TTLL9: variants seen among roughly 807,000 people sequenced by gnomAD.
The protein encoded by TTLL9 is probable tubulin polyglutamylase TTLL9.
TTLL9 carries 47 observed loss-of-function variants against 65.6 expected under a neutral mutation model. That is an observed-to-expected ratio of 0.72 (90% CI 0.57 to 0.91). The LOEUF (loss-of-function observed/expected upper bound fraction) is 0.91, where lower values mean the gene tolerates loss of function less well. Ranked by LOEUF, TTLL9 falls within the 40% of genes least tolerant of loss-of-function variation. The pLI, the probability that TTLL9 is intolerant of heterozygous loss-of-function variation, is 0.00. For synonymous variants in TTLL9, 179 were observed against 204.8 expected, an observed-to-expected ratio of 0.87 and a Z score of 1.07; for missense variants, 537 against 568.8, an observed-to-expected ratio of 0.94 and a Z score of 0.57.
chr20:31,886,841 G>C (rs1482127976), intron 2 of TTLL9, among the ~76,000 whole-genome samples: 1 of 152,080 alleles, frequency 6.6e-6, no homozygotes, highest in East Asian at 1.9e-4. Flanking sequence ...AACAACAAAA[G>C]CTCAGATTCT....
At chr20:31,886,496 A>G (rs1255512165) in intron 2 of TTLL9, among the ~76,000 whole-genome samples, 2 of 152,310 alleles carry the variant, frequency 1.3e-5, no homozygotes, top group South Asian at 2.1e-4. Flanking sequence ...GGGATCCTCA[A>G]TTTAATCAAA....
At chr20:31,915,261 C>T (rs2063716766) in intron 6 of TTLL9, among the ~76,000 whole-genome samples, 1 of 152,154 alleles carries the variant, frequency 6.6e-6, no homozygotes, top group African/African-American at 2.4e-5. Context: ...GCGGGCGGAT[C>T]ACGAGGTCAG....
intron 2 of TTLL9, among the ~76,000 whole-genome samples, chr20:31,883,461 G>T (rs553994910): frequency 6.6e-6 from 1 of 152,282 alleles, no homozygotes; most frequent in South Asian, 2.1e-4. Context: ...CTCCCAAAGT[G>T]CTGGGATTAC....
At position 31,939,166 on chromosome 20, in the gene TTLL9, C is replaced by T. The variant is rs377006514; in HGVS notation, c.1143C>T (p.Val381=). ...EARLTGREKR[V]GGFDLMWNDG... Reference sequence around the variant, plus strand: ...GGCTCACGGGAAGGGAGAAGCGAGTCGGGGGCTTTGACCTCATGTGGAATG... The same window carrying T: ...GGCTCACGGGAAGGGAGAAGCGAGTTGGGGGCTTTGACCTCATGTGGAATG... Residue 381 remains valine, a synonymous_variant, in exon 14 of 15, where the codon GTC becomes GTT. Coordinates refer to ENST00000535842, the MANE Select transcript of TTLL9 (RefSeq NM_001008409.5). The T allele has an allele frequency of 1.4e-5, 23 of 1,602,256 alleles. No homozygotes were observed. The South Asian group carries it at 2.0e-4, about 14-fold the overall frequency.
At chr20:31,935,348 C>CA (rs1175816496) in intron 12 of TTLL9, among the ~76,000 whole-genome samples, 2 of 152,308 alleles carry the variant, frequency 1.3e-5, no homozygotes, top group East Asian at 3.9e-4. Flanking sequence ...CCTGACCTGG[C>CA]AGGGACCACC....
chr20:31,883,026 G>A (rs1263675276), intron 2 of TTLL9, among the ~76,000 whole-genome samples: 1 of 152,082 alleles, frequency 6.6e-6, no homozygotes, highest in East Asian at 1.9e-4. Context: ...AGTGTCATGG[G>A]GCCCACTGGG....
intron 4 of TTLL9, among the ~76,000 whole-genome samples, chr20:31,899,473 T>A (rs542926442): frequency 8.0e-4 from 113 of 141,402 alleles, no homozygotes; most frequent in Admixed American, 2.2e-3. Context: ...CTACAAAAAA[T>A]TTTTTAAAAA....
chr20:31,890,684 T>G (rs1405497302), intron 3 of TTLL9, among the ~76,000 whole-genome samples: 1 of 152,206 alleles, frequency 6.6e-6, no homozygotes, highest in Admixed American at 6.5e-5. Context: ...GTGGGCTGAA[T>G]CCCCCAGGGA....
At chr20:31,903,898 A>T (rs1462247294) in intron 4 of TTLL9, among the ~76,000 whole-genome samples, 1 of 152,168 alleles carries the variant, frequency 6.6e-6, no homozygotes, top group Non-Finnish European at 1.5e-5. Context: ...TTTTCCACTA[A>T]CATCCTTTTT....
intron 2 of TTLL9, among the ~76,000 whole-genome samples, chr20:31,877,076 CT>C (rs2063047364): frequency 1.3e-5 from 2 of 152,130 alleles, no homozygotes; most frequent in Admixed American, 1.3e-4. Flanking sequence ...GTGGGGTTAT[CT>C]TTTCCTTAAT....
Position 31,928,607 on chromosome 20 carries a change from G to A in TTLL9, c.748+2516G>A, listed in dbSNP as rs115445703. On this transcript the variant is annotated intron_variant, in intron 10 of 14. Coordinates refer to ENST00000535842, the MANE Select transcript of TTLL9 (RefSeq NM_001008409.5). ...ATTCATTGAAACACTGTATATAATAGTATACAGTCATCACCCTTGATCCCT... is the reference window on the plus strand; with the variant it reads ...ATTCATTGAAACACTGTATATAATAATATACAGTCATCACCCTTGATCCCT... 5.4e-3 allele frequency among the ~76,000 whole-genome samples: 813 copies of A among 151,928 alleles called. 9 individuals are homozygous for A. Among genetic ancestry groups the A allele is most frequent in the African/African-American group, 0.019 (777 of 41,478 alleles).
intron 11 of TTLL9, chr20:31,934,396 G>C (rs912313678): frequency 2.1e-5 from 12 of 579,750 alleles, no homozygotes; most frequent in African/African-American, 2.0e-4. Context: ...CTTGGCCTTG[G>C]GATGCACACA....
intron 2 of TTLL9, chr20:31,873,022 G>A: frequency 1.9e-6 from 1 of 518,288 alleles, no homozygotes; most frequent in Non-Finnish European, 3.9e-6. Flanking sequence ...TCCTTTATGG[G>A]GGCCACTGCA....
chr20:31,902,882 G>A (rs183608161), intron 4 of TTLL9, among the ~76,000 whole-genome samples: 1 of 152,006 alleles, frequency 6.6e-6, no homozygotes, highest in African/African-American at 2.4e-5. Context: ...TATTTATTTA[G>A]AGAAAGGGTC....
At chr20:31,917,811 A>C (rs1229004900) in intron 6 of TTLL9, among the ~76,000 whole-genome samples, 2 of 152,222 alleles carry the variant, frequency 1.3e-5, no homozygotes, top group Non-Finnish European at 2.9e-5. Context: ...GGTTTATTTT[A>C]GAGAAAACAA....
At chr20:31,931,017 C>A (rs759418954) in intron 10 of TTLL9, among the ~76,000 whole-genome samples, 17 of 151,404 alleles carry the variant, frequency 1.1e-4, no homozygotes, top group Non-Finnish European at 2.5e-4. Context: ...CTTCCTTCAT[C>A]TGAAGAGAGC....
intron 13 of TTLL9, 57 bp from the exon 14 acceptor site, chr20:31,939,085 T>C (rs2064163792): frequency 4.6e-6 from 7 of 1,508,470 alleles, no homozygotes; most frequent in African/African-American, 1.4e-5. Context: ...CTCACTTGGG[T>C]CTTAGGGCTC....
chr20:31,909,767 C>T lies in TTLL9; in HGVS notation c.349C>T (p.Leu117=), dbSNP rs1330635393. Residue 117 remains leucine (L), a synonymous_variant, in exon 6 of 15, where the codon CTG becomes TTG. Coordinates refer to ENST00000535842, the MANE Select transcript of TTLL9 (RefSeq NM_001008409.5). ...LTRKNYMVKN[L]KRFRKQLERE... ...CCGGAAGAACTACATGGTGAAGAAC[C>T]TGAAGCGGTTCCGGAAGCAGCTGGA... is the stretch of plus-strand genomic sequence containing the variant. 1 of 1,614,132 alleles carries T rather than the reference C, an allele frequency of 6.2e-7. No homozygotes were observed. The highest frequency in any genetic ancestry group is 1.7e-4 in the Middle Eastern group (1 of 6,058).
At chr20:31,920,057 A>G in intron 7 of TTLL9, 125 bp downstream of exon 7, 5 of 830,612 alleles carry the variant, frequency 6.0e-6, no homozygotes, top group Non-Finnish European at 8.6e-6. Context: ...AGGTCTGCCC[A>G]TTGGAGCAGG....
Sources: allele counts gnomAD v4.1 joint callset (sites outside exome capture counted in the v4.1 genomes callset), GRCh38; gene constraint gnomAD v4.1.1; transcripts MANE v1.5; gene names NCBI Gene and HGNC (gene_info 2026-07-23, HGNC 2026-07-21).